Variants in DLG2 observed in about 807,000 individuals in gnomAD.
DLG2 encodes discs large MAGUK scaffold protein 2.
DLG2 carries 45 observed loss-of-function variants against 132.5 expected under a neutral mutation model. The observed-to-expected ratio is 0.34, with a 90% CI of 0.27 to 0.44. The LOEUF is 0.44. Among genes scored for constraint, DLG2 ranks in the 20% least tolerant of loss-of-function variants. The pLI is 1.00. For missense variants in DLG2, 1,045 were observed against 1,196.9 expected, an observed-to-expected ratio of 0.87 and a Z score of 1.87; for synonymous variants, 424 against 419.6, an observed-to-expected ratio of 1.01 and a Z score of -0.13.
chr11:84,434,078 G>A (rs2098993196), intron 7 of DLG2, among the ~76,000 whole-genome samples: 1 of 145,862 alleles, frequency 6.9e-6, no homozygotes, highest in Admixed American at 6.9e-5. Context: ...CAGTGATTGT[G>A]CCACTGTACT....
intron 18 of DLG2, among the ~76,000 whole-genome samples, chr11:83,784,074 C>T (rs59316588): frequency 0.033 from 4,946 of 152,146 alleles, 268 homozygotes; most frequent in African/African-American, 0.11. Context: ...TTGATTATGA[C>T]TGAAAAATGT....
intron 6 of DLG2, among the ~76,000 whole-genome samples, chr11:84,814,403 C>G (rs887278839): frequency 4.6e-5 from 7 of 152,048 alleles, no homozygotes; most frequent in Admixed American, 3.9e-4. Flanking sequence ...ACACCCATAG[C>G]TACCAGAGTG....
chr11:83,667,020 A>G (rs1427368921), intron 18 of DLG2, among the ~76,000 whole-genome samples: 1 of 152,216 alleles, frequency 6.6e-6, no homozygotes, highest in Non-Finnish European at 1.5e-5. Flanking sequence ...AAACTGCGAT[A>G]TACGGTCAAC....
chr11:83,524,733 C>T lies in DLG2; in HGVS notation c.2193+7975G>A, dbSNP rs150279454. On this transcript the variant is annotated intron_variant, in intron 21 of 27. Transcript: ENST00000376104. Reference sequence around the variant, plus strand: ...GCTTTGTACTTATGCTTTGCACTTACGTAATATTAAGCTTCCTTGGCTTCC... The same window carrying T: ...GCTTTGTACTTATGCTTTGCACTTATGTAATATTAAGCTTCCTTGGCTTCC... 2.5e-3 allele frequency among the ~76,000 whole-genome samples: 376 copies of T among 152,244 alleles called. 3 individuals are homozygous for T. Among genetic ancestry groups the T allele is most frequent in the African/African-American group, 7.5e-3 (311 of 41,552 alleles).
At position 85,012,190 on chromosome 11, in the gene DLG2, T is replaced by C. The variant is rs2059198495; in HGVS notation, c.357+99471A>G. Among the ~76,000 whole-genome samples, 2 of 56,598 alleles carry C rather than the reference T, an allele frequency of 3.5e-5. 1 individual carries two copies. Among genetic ancestry groups the C allele is most frequent in the African/African-American group, 2.9e-4 (2 of 6,854 alleles). The allele number at this position is 56,598 out of a possible 152,430, so 37.1% of individuals were successfully genotyped here. On this transcript the variant is annotated intron_variant, in intron 6 of 27. Coordinates refer to ENST00000376104, the MANE Select transcript of DLG2 (RefSeq NM_001142699.3). Reference sequence around the variant, plus strand: ...AAGAGAAAAGTATGATATACATTAATATCTTTTCTGTGTGTGACTTGATCA... The same window carrying C: ...AAGAGAAAAGTATGATATACATTAACATCTTTTCTGTGTGTGACTTGATCA...
intron 17 of DLG2, among the ~76,000 whole-genome samples, chr11:83,816,866 A>C (rs2049096664): frequency 6.6e-6 from 1 of 152,302 alleles, no homozygotes; most frequent in East Asian, 1.9e-4. Context: ...TATCTTATAA[A>C]TATTCTTCAA....
chr11:84,837,188 C>CT, intron 6 of DLG2, among the ~76,000 whole-genome samples: 1 of 151,838 alleles, frequency 6.6e-6, no homozygotes, highest in East Asian at 2.0e-4. Flanking sequence ...CAAATAAAAA[C>CT]TTTTTTCAAA....
intron 8 of DLG2, among the ~76,000 whole-genome samples, chr11:84,176,064 A>G (rs1036133533): frequency 6.6e-6 from 1 of 152,008 alleles, no homozygotes; most frequent in African/African-American, 2.4e-5. Context: ...TTGGATTCTT[A>G]TAACAATCGT....
At chr11:83,682,448 G>A in intron 18 of DLG2, 3 of 985,252 alleles carry the variant, frequency 3.0e-6, no homozygotes, top group Non-Finnish European at 3.6e-6. Flanking sequence ...AGCAGTGACA[G>A]TAATTGGTGT....
At chr11:84,245,186 T>C (rs2097286376) in intron 8 of DLG2, among the ~76,000 whole-genome samples, 1 of 152,186 alleles carries the variant, frequency 6.6e-6, no homozygotes, top group Admixed American at 6.5e-5. Context: ...ACTGAACCCA[T>C]AGTATCCTTT....
intron 7 of DLG2, among the ~76,000 whole-genome samples, chr11:84,374,071 A>T (rs2098719578): frequency 6.6e-6 from 1 of 152,158 alleles, no homozygotes; most frequent in South Asian, 2.1e-4. Flanking sequence ...AAAACCCACC[A>T]AACTGAGTCA....
intron 6 of DLG2, chr11:84,763,235 C>A (rs1265923104): frequency 2.0e-5 from 3 of 152,174 alleles, no homozygotes; most frequent in Non-Finnish European, 4.4e-5. Flanking sequence ...AGTTGGTTTA[C>A]ATGACTAGAG....
chr11:84,655,931 A>C (rs893224308), intron 6 of DLG2, among the ~76,000 whole-genome samples: 3 of 152,116 alleles, frequency 2.0e-5, no homozygotes, highest in African/African-American at 7.2e-5. Context: ...ATTCACTAAA[A>C]CAATCAACAT....
chr11:84,764,570 A>G (rs572101872), intron 6 of DLG2, among the ~76,000 whole-genome samples: 6 of 152,256 alleles, frequency 3.9e-5, no homozygotes, highest in Admixed American at 2.0e-4. Context: ...AAAGAGAAAG[A>G]AACTGAGTTT....
intron 14 of DLG2, among the ~76,000 whole-genome samples, chr11:83,950,649 G>T (rs2085192677): frequency 6.6e-6 from 1 of 152,160 alleles, no homozygotes; most frequent in Admixed American, 6.5e-5. Context: ...AGAATGAATA[G>T]AACTCCTGCT....
chr11:84,321,192 T>C (rs1481893223), intron 7 of DLG2, among the ~76,000 whole-genome samples: 1 of 152,164 alleles, frequency 6.6e-6, no homozygotes, highest in African/African-American at 2.4e-5. Flanking sequence ...TGTGTAAATA[T>C]CTTTAACATT....
intron 6 of DLG2, among the ~76,000 whole-genome samples, chr11:85,086,482 A>C (rs370677876): frequency 6.6e-6 from 1 of 152,180 alleles, no homozygotes. Flanking sequence ...AATAAAACCT[A>C]GAGGAAGAAA....
chr11:84,604,420 A>C (rs1424402970), intron 6 of DLG2, among the ~76,000 whole-genome samples: 1 of 151,876 alleles, frequency 6.6e-6, no homozygotes, highest in African/African-American at 2.4e-5. Flanking sequence ...TGTTAGCAGA[A>C]ATTAAATTAT....
At chr11:84,579,317 A>T (rs2099510994) in intron 6 of DLG2, among the ~76,000 whole-genome samples, 1 of 152,090 alleles carries the variant, frequency 6.6e-6, no homozygotes, top group South Asian at 2.1e-4. Context: ...ATAAGACCTT[A>T]GCCAATTGCA....
Sources: allele counts gnomAD v4.1 joint callset (sites outside exome capture counted in the v4.1 genomes callset), GRCh38; gene constraint gnomAD v4.1.1; transcripts MANE v1.5; gene names NCBI Gene and HGNC (gene_info 2026-07-23, HGNC 2026-07-21).